Variants in DCAF8L2 observed in about 807,000 individuals in gnomAD.
The protein encoded by DCAF8L2 is DDB1- and CUL4-associated factor 8-like protein 2.
For missense variants in DCAF8L2, 430 were observed against 490.7 expected (o/e 0.88, Z 1.17); for synonymous variants, 200 against 190.9 (o/e 1.05, Z -0.39).
At chrX:27,584,805 C>G in the DCAF8L2 span, among the ~76,000 whole-genome samples, 1 of 111,671 alleles carries the variant, frequency 9.0e-6, no homozygotes, top group Non-Finnish European at 1.9e-5. Flanking sequence ...ATTGGAATCA[C>G]TTTAGCTGAG....
chrX:27,679,002 AAG>A (rs1375432366), intron 3 of DCAF8L2, among the ~76,000 whole-genome samples: 13 of 111,699 alleles, frequency 1.2e-4, no homozygotes, highest in Non-Finnish European at 2.3e-4. Flanking sequence ...ATGAAAGGAA[AAG>A]AGAGTTTAGA....
chrX:27,729,072 T>A (rs2147313237), intron 4 of DCAF8L2, among the ~76,000 whole-genome samples: 1 of 111,843 alleles, frequency 8.9e-6, no homozygotes, highest in African/African-American at 3.2e-5. Context: ...ATTGAAAGAA[T>A]AATTTATTAA....
chrX:27,478,188 G>A, the DCAF8L2 span, among the ~76,000 whole-genome samples: 1 of 112,279 alleles, frequency 8.9e-6, no homozygotes, highest in Admixed American at 9.5e-5. Flanking sequence ...CTAAAATAAA[G>A]TATTAACACT....
chrX:27,486,948 T>C, the DCAF8L2 span, among the ~76,000 whole-genome samples: 1 of 111,585 alleles, frequency 9.0e-6, no homozygotes, highest in Non-Finnish European at 1.9e-5. Flanking sequence ...GGTTATTCTG[T>C]GCCCTTTATA....
At chrX:27,606,197 A>T (rs1926860665) in intron 1 of DCAF8L2, among the ~76,000 whole-genome samples, 1 of 96,803 alleles carries the variant, frequency 1.0e-5, no homozygotes, top group Non-Finnish European at 2.0e-5. Context: ...TTCACAGATA[A>T]GAACTGTACA....
At chrX:27,617,056 A>C (rs899178882) in intron 1 of DCAF8L2, among the ~76,000 whole-genome samples, 1 of 111,401 alleles carries the variant, frequency 9.0e-6, no homozygotes, top group African/African-American at 3.3e-5. Flanking sequence ...TTCTTGGGTT[A>C]ATATCACTCC....
the DCAF8L2 span, among the ~76,000 whole-genome samples, chrX:27,510,285 G>A: frequency 9.2e-6 from 1 of 109,119 alleles, no homozygotes; most frequent in African/African-American, 3.3e-5. Flanking sequence ...TAATTATTTT[G>A]TAACCAGAGT....
At position 27,748,039 on chromosome X, in the gene DCAF8L2, T is replaced by G. The variant is rs761676142; in HGVS notation, c.1144T>G (p.Phe382Val). The change falls in exon 5 of 5, where the codon TTT becomes GTT. Residue 382 changes from phenylalanine (F) to valine (V), a missense_variant. By Grantham distance (50) the Phe-to-Val change is conservative. Transcript: ENST00000451261. ...ITVNPANTYQ[F>V]AVGGQDQFVR... ...TGTGAATCCCGCCAATACCTACCAA[T>G]TTGCAGTGGGTGGACAAGATCAGTT... is the stretch of plus-strand genomic sequence containing the variant. The G allele has an allele frequency of 8.3e-7, 1 of 1,210,343 alleles. No homozygotes were observed. The highest frequency in any genetic ancestry group is 3.0e-5 in the East Asian group (1 of 33,753).
chrX:27,725,625 T>G (rs953433121), intron 4 of DCAF8L2, among the ~76,000 whole-genome samples: 1 of 110,298 alleles, frequency 9.1e-6, no homozygotes, highest in African/African-American at 3.3e-5. Context: ...TATACATGGT[T>G]AAAAATTGTA....
the DCAF8L2 span, among the ~76,000 whole-genome samples, chrX:27,558,768 A>T: frequency 4.6e-5 from 3 of 65,731 alleles, no homozygotes; most frequent in South Asian, 2.5e-3. Context: ...CCTCCCCCCA[A>T]CCCACAACAG....
chrX:27,546,816 C>T, the DCAF8L2 span, among the ~76,000 whole-genome samples: 226 of 112,259 alleles, frequency 2.0e-3, no homozygotes, highest in African/African-American at 6.0e-3. Context: ...AGGCCCTGAG[C>T]TCAGCCCATA....
chrX:27,560,911 A>G, the DCAF8L2 span, among the ~76,000 whole-genome samples: 127 of 112,178 alleles, frequency 1.1e-3, no homozygotes, highest in African/African-American at 3.8e-3. Context: ...TGTTTGCCAA[A>G]TCTTATGGCC....
chrX:27,498,439 GAAAT>G, the DCAF8L2 span, among the ~76,000 whole-genome samples: 1 of 112,268 alleles, frequency 8.9e-6, no homozygotes, highest in South Asian at 3.7e-4. Context: ...AATTGACAAA[GAAAT>G]AAAATATATT....
At chrX:27,589,331 GT>G (rs888187094), upstream of DCAF8L2, among the ~76,000 whole-genome samples, 18 of 112,052 alleles carry the variant, frequency 1.6e-4, no homozygotes, top group African/African-American at 5.5e-4. Context: ...GAGAAACTAT[GT>G]TTTGTGGATA....
At chrX:27,550,278 CAT>C in the DCAF8L2 span, among the ~76,000 whole-genome samples, 1 of 111,910 alleles carries the variant, frequency 8.9e-6, no homozygotes, top group Non-Finnish European at 1.9e-5. Context: ...ATAATTGGCA[CAT>C]GATAGTGAAT....
At chrX:27,698,850 G>GTT (rs1193738165) in intron 3 of DCAF8L2, among the ~76,000 whole-genome samples, 1 of 111,828 alleles carries the variant, frequency 8.9e-6, no homozygotes, top group East Asian at 2.8e-4. Flanking sequence ...TGCTACTACT[G>GTT]TGGGGCAGAC....
chrX:27,504,110 C>T, the DCAF8L2 span, among the ~76,000 whole-genome samples: 1 of 111,472 alleles, frequency 9.0e-6, no homozygotes, highest in Non-Finnish European at 1.9e-5. Flanking sequence ...AAAATTGCAA[C>T]GTGGAAACAC....
intron 3 of DCAF8L2, among the ~76,000 whole-genome samples, chrX:27,708,213 T>A (rs1297988690): frequency 9.0e-6 from 1 of 111,642 alleles, no homozygotes; most frequent in Non-Finnish European, 1.9e-5. Context: ...TGTCCATATG[T>A]GCTCAGTATT....
chrX:27,512,681 TAA>T, the DCAF8L2 span, among the ~76,000 whole-genome samples: 4 of 72,610 alleles, frequency 5.5e-5, no homozygotes, highest in Admixed American at 1.7e-4. Context: ...GAGACTCTGT[TAA>T]AAAAAAAAAA....
Sources: gnomAD v4.1 joint callset for allele counts (sites outside exome capture counted in the v4.1 genomes callset) on GRCh38, gnomAD v4.1.1 for gene constraint, MANE v1.5 for transcripts, NCBI Gene and HGNC (gene_info 2026-07-23, HGNC 2026-07-21) for gene names.